Variants in OTC observed in about 807,000 individuals in gnomAD.
OTC encodes ornithine transcarbamylase, mitochondrial.
In OTC, 3 loss-of-function variants were observed where a neutral mutation model predicts 30.3. The observed-to-expected ratio is 0.10, with a 90% CI of 0.05 to 0.26. OTC has a LOEUF of 0.26. Among genes scored for constraint, OTC ranks in the 10% least tolerant of loss-of-function variants. The probability of loss-of-function intolerance (pLI) is 1.00; values close to 1 mark genes in which losing one functional copy is unlikely to be tolerated. For missense variants in OTC, 194 were observed against 260.3 expected, an observed-to-expected ratio of 0.75 and a Z score of 1.75; for synonymous variants, 111 against 99.7, an observed-to-expected ratio of 1.11 and a Z score of -0.67.
intron 1 of OTC, among the ~76,000 whole-genome samples, chrX:38,362,894 T>A (rs921594173): frequency 4.5e-5 from 5 of 111,967 alleles, no homozygotes; most frequent in Non-Finnish European, 9.4e-5. Context: ...TTTAGTCCTT[T>A]GCAAAATTTT....
the OTC span, among the ~76,000 whole-genome samples, chrX:38,336,137 G>A: frequency 2.7e-5 from 3 of 111,357 alleles, no homozygotes; most frequent in African/African-American, 9.8e-5. Context: ...GCATTGTGCA[G>A]AAGATCCAGG....
chrX:38,354,617 T>C (rs369398259), intron 1 of OTC, among the ~76,000 whole-genome samples: 410 of 111,265 alleles, frequency 3.7e-3, no homozygotes, highest in South Asian at 0.027. Context: ...TGGTGAGCTA[T>C]TTCTCACAGT....
intron 1 of OTC, among the ~76,000 whole-genome samples, chrX:38,355,698 C>T (rs1451066797): frequency 8.9e-6 from 1 of 112,279 alleles, no homozygotes; most frequent in East Asian, 2.8e-4. Flanking sequence ...AACCAGTGCA[C>T]TTTGATTATT....
chrX:38,404,529 G>A (rs773843759), intron 6 of OTC, among the ~76,000 whole-genome samples: 36 of 111,834 alleles, frequency 3.2e-4, no homozygotes, highest in East Asian at 1.1e-3. Context: ...ACATCATACC[G>A]TGTACTTACA....
chrX:38,396,467 G>A (rs1376442537), intron 4 of OTC, among the ~76,000 whole-genome samples: 1 of 111,151 alleles, frequency 9.0e-6, no homozygotes, highest in Non-Finnish European at 1.9e-5. Context: ...AAACAGAAAA[G>A]TGAATCTTAA....
At position 38,405,261 on chromosome X, in the gene OTC, A is replaced by G. The variant is rs371492051; in HGVS notation, c.663+1521A>G. On this transcript the variant is annotated intron_variant, in intron 6 of 9. Transcript: ENST00000039007. ...GCTGTCTTGGATTCTTAGGGCTGCC[A>G]TAACAAATTACTACAAACTACACAG... 2.1e-4 allele frequency among the ~76,000 whole-genome samples: 23 copies of G among 112,104 alleles called. No homozygotes were observed. The East Asian group carries it at 6.5e-3, about 31-fold the overall frequency.
At chrX:38,328,051 A>C in the OTC span, among the ~76,000 whole-genome samples, 1 of 112,599 alleles carries the variant, frequency 8.9e-6, no homozygotes, top group Middle Eastern at 4.6e-3. Context: ...GTAGTCAACA[A>C]AAGTAAAAGC....
intron 9 of OTC, 87 bp from the exon 10 acceptor site, chrX:38,420,936 G>A (rs2068591791): frequency 1.5e-6 from 1 of 661,443 alleles, no homozygotes; most frequent in Admixed American, 2.3e-5. Context: ...ACCCTGCAAA[G>A]CTGAAACCTA....
chrX:38,399,002 C>A (rs1392107931), intron 4 of OTC, among the ~76,000 whole-genome samples: 1 of 111,744 alleles, frequency 8.9e-6, no homozygotes, highest in Non-Finnish European at 1.9e-5. Flanking sequence ...TCCCTCAATT[C>A]CCTCCCTGCC....
chrX:38,413,963 C>T (rs1031115299), intron 9 of OTC, among the ~76,000 whole-genome samples: 3 of 110,521 alleles, frequency 2.7e-5, no homozygotes, highest in African/African-American at 6.6e-5. Flanking sequence ...CGTGAGCCAC[C>T]GTGCCAGGCC....
At chrX:38,403,900 C>T (rs750722512) in intron 6 of OTC, among the ~76,000 whole-genome samples, 160 bp downstream of exon 6, 12 of 112,366 alleles carry the variant, frequency 1.1e-4, no homozygotes, top group Non-Finnish European at 2.3e-4. Flanking sequence ...AGCTATCTGG[C>T]CTCTTGAGAG....
At chrX:38,397,210 T>G (rs774618897) in intron 4 of OTC, among the ~76,000 whole-genome samples, 2 of 112,102 alleles carry the variant, frequency 1.8e-5, no homozygotes, top group Non-Finnish European at 3.8e-5. Flanking sequence ...TACATTAACT[T>G]TTTTCTTATG....
At chrX:38,418,553 T>A (rs1258736095) in intron 9 of OTC, among the ~76,000 whole-genome samples, 1 of 112,189 alleles carries the variant, frequency 8.9e-6, no homozygotes, top group Non-Finnish European at 1.9e-5. Context: ...ACAAGACTCA[T>A]GTCATAGAGC....
chrX:38,385,309 A>C (rs1458904289), intron 4 of OTC, among the ~76,000 whole-genome samples: 1 of 112,355 alleles, frequency 8.9e-6, no homozygotes, highest in East Asian at 2.8e-4. Flanking sequence ...AAGTCAAACA[A>C]GTTTCTTGTT....
At chrX:38,409,155 C>T (rs1252641073) in intron 8 of OTC, 130 bp downstream of exon 8, 3 of 675,697 alleles carry the variant, frequency 4.4e-6, no homozygotes, top group Non-Finnish European at 6.9e-6. Flanking sequence ...CTGACTGTAT[C>T]CCCTAGGGAC....
Position 38,403,609 on chromosome X carries a change from G to A in OTC, c.541-9G>A. On this transcript the variant is annotated splice_polypyrimidine_tract_variant and intron_variant, in intron 5 of 9. Transcript: ENST00000039007. ...CTGGATTTCATCTCCTTCATCCCGT[G>A]CCTTTTAGGAACACTATAGCTCTCT... 1 of 1,209,341 alleles carries A rather than the reference G, an allele frequency of 8.3e-7. No homozygotes were observed. The highest frequency in any genetic ancestry group is 1.1e-6 in the Non-Finnish European group (1 of 893,312).
intron 3 of OTC, among the ~76,000 whole-genome samples, chrX:38,380,075 A>G (rs1170352194): frequency 1.8e-5 from 2 of 111,998 alleles, no homozygotes; most frequent in Non-Finnish European, 3.8e-5. Flanking sequence ...ATCAGTTTGT[A>G]TCCCCAAAAA....
intron 4 of OTC, among the ~76,000 whole-genome samples, chrX:38,390,970 A>T (rs1158294629): frequency 9.0e-6 from 1 of 111,446 alleles, no homozygotes; most frequent in African/African-American, 3.3e-5. Flanking sequence ...TTCCTAAATA[A>T]GTTTCAAACT....
intron 4 of OTC, among the ~76,000 whole-genome samples, chrX:38,382,178 A>G (rs889794570): frequency 2.7e-5 from 3 of 111,622 alleles, no homozygotes; most frequent in African/African-American, 9.8e-5. Flanking sequence ...TTCCACTTAT[A>G]TTTCATTAGG....
Sources: allele counts gnomAD v4.1 joint callset (sites outside exome capture counted in the v4.1 genomes callset), GRCh38; gene constraint gnomAD v4.1.1; transcripts MANE v1.5; gene names NCBI Gene and HGNC (gene_info 2026-07-23, HGNC 2026-07-21).